Variants in SNX29 observed in about 807,000 individuals in gnomAD.
SNX29 encodes the protein sorting nexin 29.
A neutral mutation model predicts 102.1 loss-of-function variants in SNX29; 78 were observed. That is an observed-to-expected ratio of 0.76 (90% confidence interval 0.64 to 0.92). The LOEUF (loss-of-function observed/expected upper bound fraction) is 0.92. Ranked by LOEUF, SNX29 falls within the 40% of genes least tolerant of loss-of-function variation. The pLI is 0.00. For synonymous variants in SNX29, 580 were observed against 414.5 expected (o/e 1.40, Z -4.85); for missense variants, 1,280 against 1,061.7 (o/e 1.21, Z -2.86).
chr16:12,474,617 A>C (rs1179791314), intron 18 of SNX29, among the ~76,000 whole-genome samples: 1 of 152,240 alleles, frequency 6.6e-6, no homozygotes, highest in African/African-American at 2.4e-5. Context: ...TATCACTCAC[A>C]GGAGAGAGAC....
At chr16:12,563,314 T>C in intron 20 of SNX29, among the ~76,000 whole-genome samples, 1 of 152,128 alleles carries the variant, frequency 6.6e-6, no homozygotes, top group African/African-American at 2.4e-5. Context: ...GCTTTGTGAC[T>C]GGAGAGAGTC....
intron 11 of SNX29, among the ~76,000 whole-genome samples, chr16:12,126,150 C>T (rs1443981398): frequency 6.6e-6 from 1 of 152,240 alleles, no homozygotes; most frequent in Non-Finnish European, 1.5e-5. Context: ...GTTTAACCCA[C>T]TTGGGCTTGT....
At chr16:12,198,477 G>GA (rs751609136) in intron 13 of SNX29, among the ~76,000 whole-genome samples, 2 of 152,056 alleles carry the variant, frequency 1.3e-5, no homozygotes, top group African/African-American at 2.4e-5. Flanking sequence ...TATAATCACA[G>GA]AAAAAACCCA....
At chr16:12,435,331 C>T (rs1355170729) in intron 18 of SNX29, among the ~76,000 whole-genome samples, 1 of 152,202 alleles carries the variant, frequency 6.6e-6, no homozygotes, top group Non-Finnish European at 1.5e-5. Flanking sequence ...TCTTAAAATT[C>T]TGAAGTGTTC....
intron 14 of SNX29, among the ~76,000 whole-genome samples, chr16:12,267,305 C>T (rs934142371): frequency 6.6e-6 from 1 of 151,906 alleles, no homozygotes; most frequent in African/African-American, 2.4e-5. Context: ...GTGTTTAACA[C>T]ACGGCCTTGG....
At chr16:12,540,537 T>A (rs1464464423) in intron 20 of SNX29, among the ~76,000 whole-genome samples, 4 of 152,234 alleles carry the variant, frequency 2.6e-5, no homozygotes, top group Non-Finnish European at 5.9e-5. Context: ...TTTCGCGGCT[T>A]CCTGGCAGCC....
chr16:12,536,785 G>A (rs2077096890), intron 20 of SNX29, among the ~76,000 whole-genome samples: 2 of 152,254 alleles, frequency 1.3e-5, no homozygotes, highest in East Asian at 3.9e-4. Flanking sequence ...AGACCAGCCT[G>A]GCCAACATGG....
chr16:12,573,626 T>TGA lies in SNX29; in HGVS notation c.*4998_*4999dup, dbSNP rs950675379. On this transcript the variant is annotated 3_prime_UTR_variant, in exon 21 of 21. Transcript: ENST00000566228. Reference sequence around the variant, plus strand: ...TTCTCAGCTCTGCCGCTGGTCTCCATGAACGGCAAGGGGAACCACCACTCA... The same window carrying TGA: ...TTCTCAGCTCTGCCGCTGGTCTCCATGAGAACGGCAAGGGGAACCACCACTCA... 2.7e-5 allele frequency: 6 copies of TGA among 221,472 alleles called. No individual in the cohort carries two copies. The highest frequency in any genetic ancestry group is 5.4e-5 in the Non-Finnish European group (6 of 110,550). 13.7% of individuals were successfully genotyped at this position (221,472 alleles called of 1,614,324 possible). A position where few individuals can be genotyped will look rare whatever the true frequency, so the allele number is the denominator to read the frequency against.
chr16:12,447,274 A>T (rs1040909041), intron 18 of SNX29, among the ~76,000 whole-genome samples: 1 of 151,694 alleles, frequency 6.6e-6, no homozygotes, highest in Non-Finnish European at 1.5e-5. Context: ...CAATTGAAGA[A>T]GTCCCATCGG....
At chr16:12,495,161 T>G (rs1236328407) in intron 19 of SNX29, among the ~76,000 whole-genome samples, 1 of 151,906 alleles carries the variant, frequency 6.6e-6, no homozygotes, top group Non-Finnish European at 1.5e-5. Flanking sequence ...TTCGTTTTCT[T>G]TTTTCTTTTT....
intron 20 of SNX29, among the ~76,000 whole-genome samples, chr16:12,567,946 C>T (rs937630449): frequency 1.3e-5 from 2 of 152,168 alleles, no homozygotes; most frequent in South Asian, 2.1e-4. Flanking sequence ...GCTTCAGAAC[C>T]AGGATCAGTG....
chr16:12,077,386 GGTGTGTGTGT>G (rs60621681), intron 10 of SNX29, among the ~76,000 whole-genome samples: 21 of 142,886 alleles, frequency 1.5e-4, no homozygotes, highest in African/African-American at 2.9e-4. Context: ...TCCTAGTCAT[GGTGTGTGTGT>G]GTGTGTGTGT....
At chr16:12,215,573 C>CTTTTTA (rs1300704944) in intron 14 of SNX29, among the ~76,000 whole-genome samples, 2 of 152,088 alleles carry the variant, frequency 1.3e-5, no homozygotes, top group Non-Finnish European at 2.9e-5. Context: ...GGTGCCTGGT[C>CTTTTTA]TTTTTAGTTC....
intron 13 of SNX29, among the ~76,000 whole-genome samples, chr16:12,182,391 A>G (rs2076407102): frequency 6.6e-6 from 1 of 152,130 alleles, no homozygotes; most frequent in Non-Finnish European, 1.5e-5. Flanking sequence ...GCAGCTGGTA[A>G]TAGGCCAATT....
At chr16:12,284,578 A>G (rs1228780892) in intron 15 of SNX29, among the ~76,000 whole-genome samples, 1 of 152,240 alleles carries the variant, frequency 6.6e-6, no homozygotes, top group African/African-American at 2.4e-5. Flanking sequence ...GGAGTTGTAT[A>G]AGAATGCAGC....
In SNX29 at chr16:12,519,529, G is replaced by T. The variant is rs143329920; in HGVS notation, c.2179-5173G>T. 1.6e-3 allele frequency among the ~76,000 whole-genome samples: 244 copies of T among 152,260 alleles called. 1 individual carries two copies. The highest frequency in any genetic ancestry group is 5.8e-3 in the African/African-American group (242 of 41,528). The stretch of plus-strand genomic sequence containing the variant: ...ATGGGAAAATGTTGTTAATTTTTCA[G>T]AAATACACACTGAAGTATTTAGGAG... On this transcript the variant is annotated intron_variant, in intron 19 of 20. Transcript: ENST00000566228.
chr16:12,042,395 C>T (rs1390029863), intron 4 of SNX29, among the ~76,000 whole-genome samples: 4 of 152,028 alleles, frequency 2.6e-5, no homozygotes, highest in African/African-American at 4.8e-5. Context: ...TGCGTGATGC[C>T]GAGGTTTAGG....
At chr16:12,306,571 T>G (rs542887811) in intron 15 of SNX29, among the ~76,000 whole-genome samples, 1 of 152,358 alleles carries the variant, frequency 6.6e-6, no homozygotes, top group South Asian at 2.1e-4. Flanking sequence ...GTAAATGCCT[T>G]TGAATACGTG....
intron 20 of SNX29, among the ~76,000 whole-genome samples, chr16:12,562,190 T>G (rs888545029): frequency 4.6e-5 from 7 of 151,794 alleles, no homozygotes; most frequent in Non-Finnish European, 1.0e-4. Flanking sequence ...GAGCATAGGG[T>G]TCACAGAGGA....
Sources: gnomAD v4.1 joint callset for allele counts (sites outside exome capture counted in the v4.1 genomes callset) on GRCh38, gnomAD v4.1.1 for gene constraint, MANE v1.5 for transcripts, NCBI Gene and HGNC (gene_info 2026-07-23, HGNC 2026-07-21) for gene names.